CDKN1A: variants seen among roughly 807,000 people sequenced by gnomAD.
CDKN1A encodes cyclin-dependent kinase inhibitor 1.
In CDKN1A, 14 loss-of-function variants were observed where a neutral mutation model predicts 14.8. The ratio of observed to expected loss-of-function variants is 0.94; its 90% CI spans 0.62 to 1.48. CDKN1A has a LOEUF of 1.48. Among genes scored for constraint, CDKN1A ranks in the 40% most tolerant of loss-of-function variants. CDKN1A has a pLI of 0.00. For synonymous variants in CDKN1A, 92 were observed against 93.5 expected (o/e 0.98, Z 0.09); for missense variants, 203 against 231.7 (o/e 0.88, Z 0.80).
At chr6:36,677,989 A>G (rs1032068391), upstream of CDKN1A, 3 of 889,554 alleles carry the variant, frequency 3.4e-6, no homozygotes, top group Non-Finnish European at 4.9e-6. Context: ...GTTTCCCTGG[A>G]GATCAGGTTG....
At chr6:36,685,668 GC>G in intron 2 of CDKN1A, 82 bp from the exon 3 acceptor site, 1 of 1,416,396 alleles carries the variant, frequency 7.1e-7, no homozygotes, top group Non-Finnish European at 1.0e-6. Context: ...GGGTGTCCTG[GC>G]CCCCCACTGT....
rs1250683539 is a variant in CDKN1A at position 36,678,782 on chromosome 6, C to CGAGGCACT, written c.-21_-14dup. ...GCTGGGCGCGGATTCGCCGAGGCAC[C>CGAGGCACT]GAGGCACTCAGAGGAGGTGAGAGAG... On this transcript the variant is annotated 5_prime_UTR_variant, in exon 1 of 3. Transcript: ENST00000244741. This position sits in a 1 kb window ranked among gnomAD's most constrained non-coding sequence, Gnocchi z 5.7. 9.1e-6 allele frequency: 9 copies of CGAGGCACT among 985,680 alleles called. No homozygotes were observed. The highest frequency in any genetic ancestry group is 9.6e-6 in the Non-Finnish European group (8 of 830,236). The allele number at this position is 985,680 out of a possible 1,614,324, so 61.1% of individuals were successfully genotyped here. A position where few individuals can be genotyped will look rare whatever the true frequency, so the allele number is the denominator to read the frequency against.
At chr6:36,681,343 TTTC>T (rs1761968905) in intron 1 of CDKN1A, among the ~76,000 whole-genome samples, 32 of 124,316 alleles carry the variant, frequency 2.6e-4, no homozygotes, top group Middle Eastern at 3.8e-3. Flanking sequence ...TTTTTCTTTC[TTTC>T]TTTCTTTTTC....
Position 36,686,938 on chromosome 6 carries a change from C to T in CDKN1A, c.*1138C>T. The T allele has an allele frequency of 4.3e-6, 1 of 233,918 alleles. No homozygotes were observed. 14.5% of individuals were successfully genotyped at this position (233,918 alleles called of 1,614,324 possible). A position where few individuals can be genotyped will look rare whatever the true frequency, so the allele number is the denominator to read the frequency against. On this transcript the variant is annotated 3_prime_UTR_variant, in exon 3 of 3. Coordinates refer to ENST00000244741, the MANE Select transcript of CDKN1A (RefSeq NM_000389.5). The surrounding 1 kb of genome is among the most constrained non-coding windows in gnomAD (Gnocchi z 4.9). Reference sequence around the variant, plus strand: ...CCTTCCTCATCCACCCCATCCCTCCCCAGTTCATTGCACTTTGATTAGCAG... The same window carrying T: ...CCTTCCTCATCCACCCCATCCCTCCTCAGTTCATTGCACTTTGATTAGCAG...
chr6:36,677,689 G>A (rs762623), upstream of CDKN1A: 50,157 of 425,748 alleles, frequency 0.12, 3,272 homozygotes, highest in Middle Eastern at 0.16. Context: ...TCATTTTGGA[G>A]CCACAGAAAT....
chr6:36,682,376 C>T (rs540024084), intron 1 of CDKN1A, among the ~76,000 whole-genome samples: 23 of 152,226 alleles, frequency 1.5e-4, no homozygotes, highest in Non-Finnish European at 3.1e-4. Context: ...AGGGCTCTGT[C>T]CACTGTACTG....
upstream of CDKN1A, chr6:36,677,957 T>C: frequency 8.7e-7 from 1 of 1,145,320 alleles, no homozygotes; most frequent in Non-Finnish European, 1.2e-6. Context: ...GTAGGGAGAT[T>C]GGTTCAATGT....
At position 36,681,504 on chromosome 6, in the gene CDKN1A, T is replaced by C. The variant is rs563381068; in HGVS notation, c.-5-2593T>C. On this transcript the variant is annotated intron_variant, in intron 1 of 2. Coordinates refer to ENST00000244741, the MANE Select transcript of CDKN1A (RefSeq NM_000389.5). ...CCCAGGCTGGAGTGCAATGGCACCATCCTGGACTCAAGTAGTCCTCCTGTT... is the reference window on the plus strand; with the variant it reads ...CCCAGGCTGGAGTGCAATGGCACCACCCTGGACTCAAGTAGTCCTCCTGTT... Among the ~76,000 whole-genome samples the C allele has an allele frequency of 1.7e-4, 26 of 149,050 alleles. 1 individual carries two copies. The highest frequency in any genetic ancestry group is 6.0e-4 in the African/African-American group (24 of 40,258).
chr6:36,681,417 TTC>T lies in CDKN1A; in HGVS notation c.-6+2625_-6+2626del, dbSNP rs1761996810. ...TCTTTCTTTCTTTCTTCCTTTCTCT[TTC>T]TCTCTTTCTTTCTCTTTCTCTCTTT... On this transcript the variant is annotated intron_variant, in intron 1 of 2. Transcript: ENST00000244741. 9.1e-5 allele frequency among the ~76,000 whole-genome samples: 12 copies of T among 131,470 alleles called. 1 individual carries two copies. The highest frequency in any genetic ancestry group is 1.6e-4 in the Non-Finnish European group (10 of 61,240). The allele number at this position is 131,470 out of a possible 152,430, so 86.2% of individuals were successfully genotyped here.
intron 1 of CDKN1A, among the ~76,000 whole-genome samples, chr6:36,681,475 G>A (rs1278780694): frequency 7.0e-6 from 1 of 143,758 alleles, no homozygotes; most frequent in Non-Finnish European, 1.5e-5. Context: ...GTTGCACTCT[G>A]TCACCCAGGC....
chr6:36,677,786 A>T, upstream of CDKN1A: 1 of 912,094 alleles, frequency 1.1e-6, no homozygotes, highest in Non-Finnish European at 1.6e-6. Context: ...GATCTGAGTT[A>T]GGTCACCAGA....
rs3176357 is a variant in CDKN1A, at chr6:36,685,838, G to C, written c.*38G>C. 14 of 1,541,486 alleles carry C rather than the reference G, an allele frequency of 9.1e-6. No individual in the cohort carries two copies. Among genetic ancestry groups the C allele is most frequent in the African/African-American group, 4.1e-5 (3 of 73,268 alleles). Reference sequence around the variant, plus strand: ...AAGCCTGCAGTCCTGGAAGCGCGAGGGCCTCAAAGGCCCGCTCTACATCTT... The same window carrying C: ...AAGCCTGCAGTCCTGGAAGCGCGAGCGCCTCAAAGGCCCGCTCTACATCTT... On this transcript the variant is annotated 3_prime_UTR_variant, in exon 3 of 3. Transcript: ENST00000244741.
intron 1 of CDKN1A, among the ~76,000 whole-genome samples, chr6:36,681,254 C>T (rs533650793): frequency 2.5e-5 from 3 of 120,012 alleles, no homozygotes; most frequent in South Asian, 5.5e-4. Context: ...TGAAAAAACT[C>T]CCTAGGTGCT....
intron 1 of CDKN1A, among the ~76,000 whole-genome samples, chr6:36,683,697 G>A (rs953198500): frequency 3.9e-5 from 6 of 152,192 alleles, no homozygotes; most frequent in African/African-American, 1.2e-4. Context: ...GGCCAGGGCT[G>A]CGATTAGGAA....
At chr6:36,677,962 C>CA (rs1366844142), upstream of CDKN1A, 3 of 1,085,722 alleles carry the variant, frequency 2.8e-6, no homozygotes, top group Non-Finnish European at 3.8e-6. Context: ...GAGATTGGTT[C>CA]AATGTCCAAT....
upstream of CDKN1A, chr6:36,678,213 G>C: frequency 4.1e-6 from 1 of 244,806 alleles, no homozygotes; most frequent in South Asian, 4.5e-5. The surrounding 1 kb of genome is among the most constrained non-coding windows in gnomAD (Gnocchi z 5.7). Context: ...TGGGAATAGA[G>C]GTGATATTGT....
chr6:36,686,618 C>A lies in CDKN1A; in HGVS notation c.*818C>A. The A allele has an allele frequency of 4.3e-6, 1 of 234,090 alleles. No homozygotes were observed. Among genetic ancestry groups the A allele is most frequent in the Non-Finnish European group, 8.5e-6 (1 of 118,294 alleles). The allele number at this position is 234,090 out of a possible 1,614,324, so 14.5% of individuals were successfully genotyped here. A position where few individuals can be genotyped will look rare whatever the true frequency, so the allele number is the denominator to read the frequency against. On this transcript the variant is annotated 3_prime_UTR_variant, in exon 3 of 3. Coordinates refer to ENST00000244741, the MANE Select transcript of CDKN1A (RefSeq NM_000389.5). This position sits in a 1 kb window ranked among gnomAD's most constrained non-coding sequence, Gnocchi z 4.9. ...CAATTCCCCTCTGCTGCTGTCCCTC[C>A]CCCTTGTCCTTTCCCTTCAGTACCC...
chr6:36,682,722 A>C (rs1762058926), intron 1 of CDKN1A: 2 of 152,298 alleles, frequency 1.3e-5, no homozygotes, highest in Non-Finnish European at 2.9e-5. Flanking sequence ...GTCAAGCCAG[A>C]GCAGGCAGGT....
rs2150313856 is a variant in CDKN1A at position 36,684,359 on chromosome 6, G to A, written c.258G>A (p.Arg86=). 6.2e-7 allele frequency: 1 copy of A among 1,613,398 alleles called. No homozygotes were observed. ...LYLPTGPRRG[R]DELGGGRRPG... ...TTCCCACGGGGCCCCGGCGAGGCCGGGATGAGTTGGGAGGAGGCAGGCGGC... is the reference window on the plus strand; with the variant it reads ...TTCCCACGGGGCCCCGGCGAGGCCGAGATGAGTTGGGAGGAGGCAGGCGGC... The change falls in exon 2 of 3, where the codon CGG becomes CGA. Residue 86 remains arginine (R), a synonymous_variant. Transcript: ENST00000244741. The surrounding 1 kb of genome is among the most constrained non-coding windows in gnomAD (Gnocchi z 6.0).
Sources: allele counts gnomAD v4.1 joint callset (sites outside exome capture counted in the v4.1 genomes callset), GRCh38; gene constraint gnomAD v4.1.1; non-coding constraint Gnocchi (gnomAD v3.1); transcripts MANE v1.5; gene names NCBI Gene and HGNC (gene_info 2026-07-23, HGNC 2026-07-21).